Variants in SNCAIP observed in about 807,000 individuals in gnomAD.
The protein encoded by SNCAIP is synuclein alpha interacting protein.
Under a neutral mutation model 86.7 loss-of-function variants are expected in SNCAIP, and 43 were observed. The observed-to-expected ratio is 0.50, with a 90% CI of 0.39 to 0.64. The LOEUF (loss-of-function observed/expected upper bound fraction) is 0.64, where lower values mean the gene tolerates loss of function less well. SNCAIP is among the 30% of genes least tolerant of loss of function. The probability of loss-of-function intolerance (pLI) is 0.00; values close to 1 mark genes in which losing one functional copy is unlikely to be tolerated. For missense variants in SNCAIP, 981 were observed against 1,103.1 expected, an observed-to-expected ratio of 0.89 and a Z score of 1.57; for synonymous variants, 417 against 427.2, an observed-to-expected ratio of 0.98 and a Z score of 0.29.
At chr5:122,328,992 G>A (rs768580424) in intron 1 of SNCAIP, among the ~76,000 whole-genome samples, 2 of 152,078 alleles carry the variant, frequency 1.3e-5, no homozygotes, top group Non-Finnish European at 2.9e-5. Flanking sequence ...TACTCAAGTT[G>A]GGGTAAAGTG....
At chr5:122,422,557 T>C (rs1484108706) in intron 3 of SNCAIP, among the ~76,000 whole-genome samples, 1 of 152,214 alleles carries the variant, frequency 6.6e-6, no homozygotes, top group Non-Finnish European at 1.5e-5. Context: ...ATAAAAATAT[T>C]GCCAGGGAGG....
At chr5:122,350,782 C>G (rs1759618815) in intron 1 of SNCAIP, among the ~76,000 whole-genome samples, 1 of 152,030 alleles carries the variant, frequency 6.6e-6, no homozygotes. Flanking sequence ...AGTTGGGCCT[C>G]AAATGGGAAG....
intron 10 of SNCAIP, among the ~76,000 whole-genome samples, chr5:122,460,657 T>C (rs1372130525): frequency 6.6e-6 from 1 of 152,242 alleles, no homozygotes; most frequent in African/African-American, 2.4e-5. Flanking sequence ...ATCATTATGG[T>C]TATTTAAATA....
In SNCAIP at chr5:122,423,613, C is replaced by G. The variant is rs766760995; in HGVS notation, c.876C>G (p.Ser292=). The G allele has an allele frequency of 2.0e-5, 32 of 1,613,840 alleles. No homozygotes were observed. The Admixed American group carries it at 5.3e-4, about 27-fold the overall frequency. Residue 292 remains serine, a synonymous_variant, in exon 4 of 11, where the codon TCC becomes TCG. Coordinates refer to ENST00000261368, the MANE Select transcript of SNCAIP (RefSeq NM_005460.4). ...AFHLQSSAAE[S]KPEEQVSGLN... is the part of the protein sequence containing the mutation. Reference sequence around the variant, plus strand: ...ACCTACAATCCTCAGCAGCAGAATCCAAACCAGAAGAGCAGGTCAGTGGCC... The same window carrying G: ...ACCTACAATCCTCAGCAGCAGAATCGAAACCAGAAGAGCAGGTCAGTGGCC...
Position 122,423,028 on chromosome 5 carries a change from A to C in SNCAIP, c.291A>C (p.Gln97His), listed in dbSNP as rs779419602. Residue 97 changes from glutamine (Q) to histidine (H), a missense_variant, in exon 4 of 11, where the codon CAA becomes CAC. Physicochemically the swap from Gln to His is conservative, Grantham distance 24. Coordinates refer to ENST00000261368, the MANE Select transcript of SNCAIP (RefSeq NM_005460.4). ...TGGAGAACAATGAAAGTGATGACCA[A>C]AAGAACCAGAAAGTGGTTGAGTACC... is the stretch of plus-strand genomic sequence containing the variant. ...ETLENNESDDQKNQKVVEYQK... is the reference protein window; with the variant it reads ...ETLENNESDDHKNQKVVEYQK... The C allele has an allele frequency of 6.2e-7, 1 of 1,614,112 alleles. No homozygotes were observed. The highest frequency in any genetic ancestry group is 1.7e-5 in the Admixed American group (1 of 60,012).
chr5:122,342,262 A>T (rs1028994919), intron 1 of SNCAIP, among the ~76,000 whole-genome samples: 1 of 152,088 alleles, frequency 6.6e-6, no homozygotes, highest in Non-Finnish European at 1.5e-5. Context: ...TAGAAACTGG[A>T]GGACTGAGCT....
At chr5:122,332,967 C>CT (rs1284156230) in intron 1 of SNCAIP, among the ~76,000 whole-genome samples, 1 of 152,196 alleles carries the variant, frequency 6.6e-6, no homozygotes, top group Non-Finnish European at 1.5e-5. Context: ...AGGGTAAATA[C>CT]TTTCTTCCAA....
chr5:122,425,314 T>A, intron 4 of SNCAIP, 38 bp from the exon 5 acceptor site: 1 of 1,545,788 alleles, frequency 6.5e-7, no homozygotes, highest in African/African-American at 1.4e-5. Context: ...TTGCTCTGAT[T>A]TATTGACTTG....
At chr5:122,355,196 T>C (rs1760746468) in intron 1 of SNCAIP, among the ~76,000 whole-genome samples, 1 of 152,202 alleles carries the variant, frequency 6.6e-6, no homozygotes, top group African/African-American at 2.4e-5. Flanking sequence ...TCAACTTAGG[T>C]ATAAAACAAT....
chr5:122,367,533 A>G (rs1272212300), intron 1 of SNCAIP, among the ~76,000 whole-genome samples: 5 of 152,102 alleles, frequency 3.3e-5, no homozygotes, highest in African/African-American at 1.2e-4. Context: ...TCCAAAAACC[A>G]GAGATGAGTT....
chr5:122,332,020 G>A (rs766374313), intron 1 of SNCAIP, among the ~76,000 whole-genome samples: 5 of 152,158 alleles, frequency 3.3e-5, no homozygotes, highest in Admixed American at 6.5e-5. Context: ...GTGCTGCCAC[G>A]TGAATGTGTT....
chr5:122,410,637 A>G (rs1387540002), intron 3 of SNCAIP, among the ~76,000 whole-genome samples: 2 of 152,200 alleles, frequency 1.3e-5, no homozygotes, highest in African/African-American at 4.8e-5. Flanking sequence ...AGCCTGGCCA[A>G]CATGGTGAAA....
intron 10 of SNCAIP, among the ~76,000 whole-genome samples, chr5:122,458,461 G>T (rs1785320575): frequency 1.3e-5 from 2 of 151,966 alleles, no homozygotes; most frequent in South Asian, 4.1e-4. Flanking sequence ...GCCACCACTA[G>T]AGGCATCTTT....
At chr5:122,392,560 G>T (rs182683980) in intron 2 of SNCAIP, among the ~76,000 whole-genome samples, 1 of 152,318 alleles carries the variant, frequency 6.6e-6, no homozygotes, top group Non-Finnish European at 1.5e-5. Context: ...ATGTAGGTAG[G>T]ATGGAAGGTG....
chr5:122,339,399 CA>C lies in SNCAIP; in HGVS notation c.-47+27119del, dbSNP rs1242056496. Among the ~76,000 whole-genome samples, 5 of 152,264 alleles carry C rather than the reference CA, an allele frequency of 3.3e-5. No individual in the cohort carries two copies. The East Asian group carries it at 9.6e-4, about 29-fold the overall frequency. ...CTTAACAGAATCTTCAAAATAGAAT[CA>C]AAACCATCTTTAGATACATTTAAGT... On this transcript the variant is annotated intron_variant, in intron 1 of 10. Transcript: ENST00000261368.
chr5:122,424,803 A>T (rs1777046204), intron 4 of SNCAIP, among the ~76,000 whole-genome samples: 1 of 152,166 alleles, frequency 6.6e-6, no homozygotes. Flanking sequence ...TTCACTAGAG[A>T]TGAGAAACCA....
chr5:122,459,394 T>C (rs926077818), intron 10 of SNCAIP, among the ~76,000 whole-genome samples: 1 of 152,234 alleles, frequency 6.6e-6, no homozygotes, highest in African/African-American at 2.4e-5. Context: ...AAGCTTTTTT[T>C]CTTTCCAATT....
In SNCAIP at chr5:122,366,202, G is replaced by C. The variant is rs78895473; in HGVS notation, c.-46-24887G>C. Among the ~76,000 whole-genome samples the C allele has an allele frequency of 8.2e-3, 1,252 of 152,262 alleles. 22 individuals are homozygous for C. The highest frequency in any genetic ancestry group is 0.028 in the African/African-American group (1,180 of 41,548). ...ACTAGCAAAAGCAGGGAAGCCACCAGCTCCCCTAGGGCTTAAAGGACAAAG... is the reference window on the plus strand; with the variant it reads ...ACTAGCAAAAGCAGGGAAGCCACCACCTCCCCTAGGGCTTAAAGGACAAAG... On this transcript the variant is annotated intron_variant, in intron 1 of 10. Transcript: ENST00000261368.
At chr5:122,388,344 A>G (rs1188984810) in intron 1 of SNCAIP, among the ~76,000 whole-genome samples, 2 of 152,072 alleles carry the variant, frequency 1.3e-5, no homozygotes, top group Non-Finnish European at 2.9e-5. Context: ...CCTCCAATGC[A>G]TGCCCTCTGT....
Sources: allele counts gnomAD v4.1 joint callset (sites outside exome capture counted in the v4.1 genomes callset), GRCh38; gene constraint gnomAD v4.1.1; transcripts MANE v1.5; gene names NCBI Gene and HGNC (gene_info 2026-07-23, HGNC 2026-07-21).